Variants in ADGRL2 observed in about 807,000 individuals in gnomAD.
The protein encoded by ADGRL2 is adhesion G protein-coupled receptor L2.
A neutral mutation model predicts 157.4 loss-of-function variants in ADGRL2; 44 were observed. The observed-to-expected ratio is 0.28, with a 90% confidence interval of 0.22 to 0.36. ADGRL2 has a LOEUF of 0.36. ADGRL2 is among the 10% of genes least tolerant of loss of function. The pLI, the probability that ADGRL2 is intolerant of heterozygous loss-of-function variation, is 1.00. For synonymous variants in ADGRL2, 585 were observed against 624.7 expected (o/e 0.94, Z 0.95); for missense variants, 1,510 against 1,768.9 (o/e 0.85, Z 2.63).
intron 3 of ADGRL2, among the ~76,000 whole-genome samples, chr1:81,662,554 T>G (rs9663080): frequency 1.4e-5 from 2 of 145,062 alleles, no homozygotes; most frequent in Non-Finnish European, 3.0e-5. Flanking sequence ...TCGTTCATTC[T>G]TTCTTTTTTT....
At chr1:81,395,831 T>A (rs2076645700) in intron 1 of ADGRL2, among the ~76,000 whole-genome samples, 1 of 152,238 alleles carries the variant, frequency 6.6e-6, no homozygotes, top group South Asian at 2.1e-4. Flanking sequence ...TTAGCAACTT[T>A]GTCAAAAATC....
intron 3 of ADGRL2, among the ~76,000 whole-genome samples, chr1:81,919,024 A>T (rs2094921179): frequency 6.6e-6 from 1 of 152,014 alleles, no homozygotes; most frequent in South Asian, 2.1e-4. Flanking sequence ...TACCTTTTTT[A>T]TTTATCAGGT....
At position 81,471,262 on chromosome 1, in the gene ADGRL2, C is replaced by T. The variant is rs540483491; in HGVS notation, c.-248+26173C>T. On this transcript the variant is annotated intron_variant, in intron 2 of 24. Transcript: ENST00000370721. ...TTTCTTCAGACCACCACAAATCCAT[C>T]CCTGGCATTTAACATATCAATACAA... is the stretch of plus-strand genomic sequence containing the variant. Among the ~76,000 whole-genome samples, 6 of 152,244 alleles carry T rather than the reference C, an allele frequency of 3.9e-5. No individual in the cohort carries two copies. In the South Asian group the frequency reaches 1.2e-3, roughly 31 times the overall value.
At chr1:81,452,766 C>A (rs558383904) in intron 2 of ADGRL2, among the ~76,000 whole-genome samples, 4 of 152,254 alleles carry the variant, frequency 2.6e-5, no homozygotes, top group African/African-American at 4.8e-5. Context: ...TGAGTATATT[C>A]ATGCATCAGT....
intron 2 of ADGRL2, among the ~76,000 whole-genome samples, chr1:81,528,646 CA>C (rs59842382): frequency 5.0e-3 from 576 of 114,372 alleles, no homozygotes; most frequent in African/African-American, 0.02. Flanking sequence ...GACTCCATCT[CA>C]AAAAAAAAAA....
intron 2 of ADGRL2, among the ~76,000 whole-genome samples, chr1:81,840,318 C>T (rs2092516908): frequency 6.6e-6 from 1 of 152,038 alleles, no homozygotes; most frequent in Non-Finnish European, 1.5e-5. Flanking sequence ...CATAGAATAG[C>T]CATGGGTTAT....
intron 2 of ADGRL2, among the ~76,000 whole-genome samples, chr1:81,453,556 C>T (rs1187224668): frequency 1.3e-5 from 2 of 152,110 alleles, no homozygotes; most frequent in Non-Finnish European, 2.9e-5. Context: ...CACCACCCAA[C>T]ATACACAAAA....
In ADGRL2 at chr1:81,952,032, G is replaced by T; in HGVS notation, c.1684G>T (p.Asp562Tyr). The change falls in exon 9 of 24, where the codon GAT (aspartate) becomes TAT (tyrosine). Residue 562 changes from aspartate to tyrosine, a missense_variant. Coordinates refer to ENST00000686636, the MANE Select transcript of ADGRL2 (RefSeq NM_001366006.2). ...KHTKGPVFAGDVSSSVRLMEQ... is the reference protein window; with the variant it reads ...KHTKGPVFAGYVSSSVRLMEQ... Reference sequence around the variant, plus strand: ...TACCAAAGGGCCAGTGTTTGCTGGGGATGTAAGTTCTTCAGTGAGATTGAT... The same window carrying T: ...TACCAAAGGGCCAGTGTTTGCTGGGTATGTAAGTTCTTCAGTGAGATTGAT... 6.2e-7 allele frequency: 1 copy of T among 1,613,758 alleles called. No individual in the cohort carries two copies. The highest frequency in any genetic ancestry group is 8.5e-7 in the Non-Finnish European group (1 of 1,179,716).
chr1:81,546,131 G>C (rs1291450992), intron 2 of ADGRL2, among the ~76,000 whole-genome samples: 5 of 152,084 alleles, frequency 3.3e-5, no homozygotes, highest in Non-Finnish European at 7.4e-5. Flanking sequence ...CCTGCCCCTA[G>C]AATTGTGGGG....
At chr1:81,373,891 T>A (rs148479241) in intron 1 of ADGRL2, among the ~76,000 whole-genome samples, 2 of 152,274 alleles carry the variant, frequency 1.3e-5, no homozygotes, top group East Asian at 3.9e-4. Flanking sequence ...CTGGACAACA[T>A]GAAGCAATGA....
At chr1:81,461,867 C>A (rs1170096950) in intron 2 of ADGRL2, among the ~76,000 whole-genome samples, 3 of 125,016 alleles carry the variant, frequency 2.4e-5, no homozygotes, top group Admixed American at 2.0e-4. Flanking sequence ...TGCCAGTAGG[C>A]AAGAATTCTT....
intron 2 of ADGRL2, among the ~76,000 whole-genome samples, chr1:81,508,430 C>T (rs995528261): frequency 5.9e-5 from 9 of 152,156 alleles, no homozygotes; most frequent in Non-Finnish European, 1.3e-4. Flanking sequence ...CACTGACCTG[C>T]CAGTCATTAT....
intron 1 of ADGRL2, among the ~76,000 whole-genome samples, chr1:81,804,513 G>T (rs539771830): frequency 6.6e-6 from 1 of 152,200 alleles, no homozygotes; most frequent in Non-Finnish European, 1.5e-5. Flanking sequence ...AGGGCAATGA[G>T]AATTGTAAAG....
intron 3 of ADGRL2, among the ~76,000 whole-genome samples, chr1:81,924,479 G>A (rs1326466146): frequency 1.3e-5 from 2 of 152,116 alleles, no homozygotes; most frequent in South Asian, 2.1e-4. Context: ...TTGTAGAGAC[G>A]AGTACTGAGC....
At chr1:81,520,261 C>T (rs2079281217) in intron 2 of ADGRL2, among the ~76,000 whole-genome samples, 1 of 152,138 alleles carries the variant, frequency 6.6e-6, no homozygotes, top group Non-Finnish European at 1.5e-5. Context: ...AAGCAATACA[C>T]ATCCTTTTGA....
chr1:81,926,729 T>C (rs1021339706), intron 3 of ADGRL2, among the ~76,000 whole-genome samples: 8 of 152,076 alleles, frequency 5.3e-5, no homozygotes, highest in African/African-American at 1.9e-4. Flanking sequence ...TTAGACCTGA[T>C]GACCCTGTGA....
At chr1:81,343,087 C>CTTTTTTTTTTTTTTTTTTTTTTTTT (rs764039251) in intron 1 of ADGRL2, among the ~76,000 whole-genome samples, 1 of 127,490 alleles carries the variant, frequency 7.8e-6, no homozygotes, top group African/African-American at 2.9e-5. Flanking sequence ...TTTCTTTTTT[C>CTTTTTTTTTTTTTTTTTTTTTTTTT]TTTTCTTTTT....
intron 11 of ADGRL2, among the ~76,000 whole-genome samples, chr1:81,960,738 G>T (rs1049604340): frequency 1.3e-5 from 2 of 152,130 alleles, no homozygotes; most frequent in Non-Finnish European, 2.9e-5. Context: ...CTCCCAAAGT[G>T]CTGGGATTAA....
intron 3 of ADGRL2, among the ~76,000 whole-genome samples, chr1:81,680,196 GT>G (rs2083081294): frequency 2.0e-5 from 3 of 152,280 alleles, no homozygotes; most frequent in African/African-American, 4.8e-5. Context: ...GCAGCCCTTT[GT>G]TACAATGTGC....
Sources: gnomAD v4.1 joint callset for allele counts (sites outside exome capture counted in the v4.1 genomes callset) on GRCh38, gnomAD v4.1.1 for gene constraint, MANE v1.5 for transcripts, NCBI Gene and HGNC (gene_info 2026-07-23, HGNC 2026-07-21) for gene names.